Variants in IL1RAPL2 observed in about 807,000 individuals in gnomAD.
IL1RAPL2 encodes the protein X-linked interleukin-1 receptor accessory protein-like 2.
A neutral mutation model predicts 44.1 loss-of-function variants in IL1RAPL2; 3 were observed. That is an observed-to-expected ratio of 0.07 (90% confidence interval 0.03 to 0.18). The LOEUF is 0.18. Among genes scored for constraint, IL1RAPL2 ranks in the 10% least tolerant of loss-of-function variants. The probability of loss-of-function intolerance (pLI) is 1.00; values close to 1 mark genes in which losing one functional copy is unlikely to be tolerated. For missense variants in IL1RAPL2, 391 were observed against 496.4 expected, an observed-to-expected ratio of 0.79 and a Z score of 2.02; for synonymous variants, 181 against 178.8, an observed-to-expected ratio of 1.01 and a Z score of -0.10.
At chrX:104,808,748 A>G (rs1932943616) in intron 2 of IL1RAPL2, among the ~76,000 whole-genome samples, 1 of 111,753 alleles carries the variant, frequency 8.9e-6, no homozygotes, top group Admixed American at 9.5e-5. Context: ...TTCCAGAGAT[A>G]TTGGCCAGAA....
chrX:105,573,727 A>G (rs1372796126), intron 6 of IL1RAPL2, among the ~76,000 whole-genome samples: 1 of 111,591 alleles, frequency 9.0e-6, no homozygotes, highest in Non-Finnish European at 1.9e-5. Flanking sequence ...TTTCATAGCT[A>G]TTGAATATGA....
chrX:105,516,472 A>AT (rs1329657438), intron 6 of IL1RAPL2, among the ~76,000 whole-genome samples: 7 of 111,979 alleles, frequency 6.3e-5, no homozygotes, highest in Non-Finnish European at 1.1e-4. Flanking sequence ...CAGGATGTCA[A>AT]ACACGTGGAT....
intron 2 of IL1RAPL2, among the ~76,000 whole-genome samples, chrX:104,686,905 A>G (rs1046324792): frequency 8.9e-6 from 1 of 112,312 alleles, no homozygotes; most frequent in African/African-American, 3.2e-5. Flanking sequence ...AATTCTAACA[A>G]CAGCTACAAC....
chrX:104,636,911 A>G (rs1929823072), intron 1 of IL1RAPL2, among the ~76,000 whole-genome samples: 1 of 111,389 alleles, frequency 9.0e-6, no homozygotes, highest in Non-Finnish European at 1.9e-5. Context: ...GGAAATGCAG[A>G]AATCTCCCCT....
chrX:105,540,872 A>ATATGTATATATTATATAT lies in IL1RAPL2; in HGVS notation c.772+56485_772+56486insTATGTATATATTATATAT, dbSNP rs1188068933. On this transcript the variant is annotated intron_variant, in intron 6 of 10. Transcript: ENST00000372582. ...ACATATATTATATATGATATATAATACATACATATATTATATATGATATAT... is the reference window on the plus strand; with the variant it reads ...ACATATATTATATATGATATATAATATATGTATATATTATATATCATACATATATTATATATGATATAT... Among the ~76,000 whole-genome samples the ATATGTATATATTATATAT allele has an allele frequency of 1.8e-3, 139 of 78,723 alleles. 3 individuals carry two copies. Among genetic ancestry groups the ATATGTATATATTATATAT allele is most frequent in the Non-Finnish European group, 2.8e-3 (118 of 42,419 alleles). 68.4% of individuals were successfully genotyped at this position (78,723 alleles called of 115,157 possible).
chrX:104,936,907 T>C (rs1602834767), intron 2 of IL1RAPL2, among the ~76,000 whole-genome samples: 2 of 111,317 alleles, frequency 1.8e-5, no homozygotes, highest in South Asian at 3.9e-4. Context: ...CACCCAACCT[T>C]ACCAGACTCT....
intron 6 of IL1RAPL2, among the ~76,000 whole-genome samples, chrX:105,616,768 A>AT (rs2037379742): frequency 9.0e-6 from 1 of 110,776 alleles, no homozygotes; most frequent in Non-Finnish European, 1.9e-5. Context: ...AATAATAGAA[A>AT]TTTTTACTTT....
Position 105,246,499 on chromosome X carries a change from G to T in IL1RAPL2, c.543+12495G>T, listed in dbSNP as rs776094283. Among the ~76,000 whole-genome samples the T allele has an allele frequency of 4.9e-4, 55 of 111,505 alleles. 1 individual carries two copies. Among genetic ancestry groups the T allele is most frequent in the Non-Finnish European group, 8.7e-4 (46 of 53,069 alleles). On this transcript the variant is annotated intron_variant, in intron 4 of 10. Coordinates refer to ENST00000372582, the MANE Select transcript of IL1RAPL2 (RefSeq NM_017416.2). ...TGGACTAAAATCAGGGGTTTATATAGCAGGGAACAAATGTAACTAAATGCA... is the reference window on the plus strand; with the variant it reads ...TGGACTAAAATCAGGGGTTTATATATCAGGGAACAAATGTAACTAAATGCA...
intron 5 of IL1RAPL2, among the ~76,000 whole-genome samples, chrX:105,361,344 A>G (rs917502683): frequency 1.8e-5 from 2 of 111,098 alleles, no homozygotes; most frequent in Non-Finnish European, 3.8e-5. Flanking sequence ...TTTAAAGTGA[A>G]TAGGCCTGGA....
At chrX:104,873,951 C>A in intron 2 of IL1RAPL2, among the ~76,000 whole-genome samples, 1 of 111,129 alleles carries the variant, frequency 9.0e-6, no homozygotes, top group East Asian at 2.9e-4. Flanking sequence ...TTATCATAAT[C>A]TGATATTCAT....
intron 5 of IL1RAPL2, among the ~76,000 whole-genome samples, chrX:105,483,957 A>G (rs938834608): frequency 3.6e-5 from 4 of 111,720 alleles, no homozygotes; most frequent in Non-Finnish European, 1.9e-5. Flanking sequence ...CATTGAGAAT[A>G]CCACTACAAA....
chrX:104,918,152 T>C (rs1169016440), intron 2 of IL1RAPL2, among the ~76,000 whole-genome samples: 1 of 112,343 alleles, frequency 8.9e-6, no homozygotes, highest in African/African-American at 3.2e-5. Flanking sequence ...TTTGCAATTA[T>C]CTAACACATG....
intron 5 of IL1RAPL2, among the ~76,000 whole-genome samples, chrX:105,379,898 A>C (rs759809232): frequency 8.9e-6 from 1 of 111,943 alleles, no homozygotes; most frequent in East Asian, 2.8e-4. Context: ...TGAATCATTT[A>C]TTAGAATCCA....
At chrX:104,628,171 C>G (rs2148010686) in intron 1 of IL1RAPL2, among the ~76,000 whole-genome samples, 1 of 111,526 alleles carries the variant, frequency 9.0e-6, no homozygotes, top group South Asian at 3.8e-4. Context: ...CTCAAACATT[C>G]ATCATTTCTC....
chrX:105,655,597 A>T (rs772355538), intron 6 of IL1RAPL2, among the ~76,000 whole-genome samples: 1 of 112,484 alleles, frequency 8.9e-6, no homozygotes, highest in East Asian at 2.8e-4. Context: ...GATGAAGAGA[A>T]TTCATTTAAC....
intron 5 of IL1RAPL2, among the ~76,000 whole-genome samples, chrX:105,370,227 T>C (rs999998962): frequency 1.8e-5 from 2 of 111,874 alleles, no homozygotes; most frequent in African/African-American, 6.5e-5. Context: ...TTTTATCTTA[T>C]TTTTTAGACT....
chrX:105,620,872 T>C (rs1486642690), intron 6 of IL1RAPL2, among the ~76,000 whole-genome samples: 1 of 111,570 alleles, frequency 9.0e-6, no homozygotes, highest in Non-Finnish European at 1.9e-5. Context: ...GGTAAAAATA[T>C]GAATCTAATC....
chrX:104,979,063 A>G (rs1447191598), intron 2 of IL1RAPL2, among the ~76,000 whole-genome samples: 1 of 111,509 alleles, frequency 9.0e-6, no homozygotes, highest in Non-Finnish European at 1.9e-5. Flanking sequence ...AATTATGAAA[A>G]AGTGATAAAT....
intron 5 of IL1RAPL2, among the ~76,000 whole-genome samples, chrX:105,375,339 G>A (rs1303984168): frequency 9.0e-6 from 1 of 110,909 alleles, no homozygotes; most frequent in African/African-American, 3.3e-5. Flanking sequence ...GTGAAACCCC[G>A]TCTCTACTAA....
Sources: gnomAD v4.1 joint callset for allele counts (sites outside exome capture counted in the v4.1 genomes callset) on GRCh38, gnomAD v4.1.1 for gene constraint, MANE v1.5 for transcripts, NCBI Gene and HGNC (gene_info 2026-07-23, HGNC 2026-07-21) for gene names.